Variants in OGA observed in about 807,000 individuals in gnomAD.
The protein encoded by OGA is O-GlcNAcase, also known as protein O-GlcNAcase.
A neutral mutation model predicts 102.0 loss-of-function variants in OGA; 21 were observed. The ratio of observed to expected loss-of-function variants is 0.21; its 90% CI spans 0.15 to 0.30. OGA has a LOEUF of 0.30. Ranked by LOEUF, OGA falls within the 10% of genes least tolerant of loss-of-function variation. The pLI is 1.00. For missense variants in OGA, 765 were observed against 1,107.8 expected (o/e 0.69, Z 4.39); for synonymous variants, 408 against 378.2 (o/e 1.08, Z -0.91).
intron 14 of OGA, chr10:101,787,845 G>A: frequency 9.2e-6 from 2 of 217,022 alleles, no homozygotes; most frequent in Non-Finnish European, 9.4e-6. Context: ...TTCTATCTCG[G>A]CCTCCTGAAG....
intron 1 of OGA, among the ~76,000 whole-genome samples, chr10:101,815,692 A>C (rs1001162679): frequency 1.4e-4 from 22 of 152,156 alleles, no homozygotes; most frequent in African/African-American, 4.6e-4. Context: ...ATCCTTTCAG[A>C]GTTGCTCCAA....
intron 14 of OGA, among the ~76,000 whole-genome samples, 170 bp downstream of exon 14, chr10:101,790,726 C>T (rs1431812530): frequency 6.6e-6 from 1 of 152,078 alleles, no homozygotes; most frequent in African/African-American, 2.4e-5. Flanking sequence ...AAATGTCATG[C>T]TAAGAATAAG....
At position 101,815,371 on chromosome 10, in the gene OGA, A is replaced by C. The variant is rs192123356; in HGVS notation, c.200-1765T>G. Among the ~76,000 whole-genome samples the C allele has an allele frequency of 1.7e-3, 258 of 151,922 alleles. 2 individuals carry two copies. Among genetic ancestry groups the C allele is most frequent in the African/African-American group, 5.8e-3 (241 of 41,388 alleles). ...TCGGCTCAATGCAATCTACGCCTCC[A>C]ACTCCCGGGTTCAAGCGATTCTCCT... On this transcript the variant is annotated intron_variant, in intron 1 of 15. Coordinates refer to ENST00000361464, the MANE Select transcript of OGA (RefSeq NM_012215.5).
In OGA at chr10:101,785,801, T is replaced by G. The variant is rs2065185575; in HGVS notation, c.*650A>C. 1 of 152,360 alleles carries G rather than the reference T, an allele frequency of 6.6e-6. No homozygotes were observed. The highest frequency in any genetic ancestry group is 1.5e-5 in the Non-Finnish European group (1 of 68,042). 9.4% of individuals were successfully genotyped at this position (152,360 alleles called of 1,614,324 possible). On this transcript the variant is annotated 3_prime_UTR_variant, in exon 16 of 16. Coordinates refer to ENST00000361464, the MANE Select transcript of OGA (RefSeq NM_012215.5). ...GTTTATATACAAAGAAATTTACAAG[T>G]TTGTCAATTGTAGGCTTTTGCCACA...
intron 7 of OGA, among the ~76,000 whole-genome samples, chr10:101,801,734 A>G (rs2065395025): frequency 6.6e-6 from 1 of 152,242 alleles, no homozygotes; most frequent in Non-Finnish European, 1.5e-5. Flanking sequence ...ACATTAATTC[A>G]ATAAACAATT....
chr10:101,807,816 C>A lies in OGA; in HGVS notation c.566G>T (p.Ser189Ile). 6.2e-7 allele frequency: 1 copy of A among 1,611,022 alleles called. No homozygotes were observed. The highest frequency in any genetic ancestry group is 8.5e-7 in the Non-Finnish European group (1 of 1,178,664). The change falls in exon 5 of 16, where the codon AGT (serine) becomes ATT (isoleucine). Residue 189 changes from serine to isoleucine, a missense_variant. This residue lies in a region of OGA where 165 missense variants were observed against 249.7 expected (regional missense o/e 0.66). Transcript: ENST00000361464. ...NMCAADKEVF[S>I]SFAHAQVSIT... ...GGAGACTTGGGCATGAGCAAAAGAACTGAATACCTCTTTGTCTGCTGCACA... is the reference window on the plus strand; with the variant it reads ...GGAGACTTGGGCATGAGCAAAAGAAATGAATACCTCTTTGTCTGCTGCACA...
rs746098438 is a variant in OGA, at chr10:101,799,321, A to G, written c.1330T>C (p.Leu444=). The change falls in exon 9 of 16, where the codon TTG becomes CTG. Residue 444 remains leucine (L), a synonymous_variant. Coordinates refer to ENST00000361464, the MANE Select transcript of OGA (RefSeq NM_012215.5). ...QEPIMSQGAA[L]SGEPTTLTKE... is the part of the protein sequence containing the mutation. ...GTCAGAGTAGTAGGCTCACCACTCA[A>G]GGCTGCTCCCTGGCTCATAATGGGC... 1 of 1,614,136 alleles carries G rather than the reference A, an allele frequency of 6.2e-7. No individual in the cohort carries two copies. Among genetic ancestry groups the G allele is most frequent in the Admixed American group, 1.7e-5 (1 of 60,014 alleles).
Position 101,793,019 on chromosome 10 carries a change from T to A in OGA, c.2071-76A>T, listed in dbSNP as rs561793514. The A allele has an allele frequency of 8.9e-5, 101 of 1,133,412 alleles. No homozygotes were observed. In the African/African-American group the frequency reaches 1.5e-3, roughly 16 times the overall value. 70.2% of individuals were successfully genotyped at this position (1,133,412 alleles called of 1,614,324 possible). A position where few individuals can be genotyped will look rare whatever the true frequency, so the allele number is the denominator to read the frequency against. On this transcript the variant is annotated intron_variant, in intron 11 of 15. Transcript: ENST00000361464. ...TTTTTAAATGGGTGTGCACTGCAGA[T>A]TACCAACTTATATTAACTGGCTACT... is the stretch of plus-strand genomic sequence containing the variant.
chr10:101,801,639 A>G (rs769621367), intron 7 of OGA, among the ~76,000 whole-genome samples: 5 of 152,224 alleles, frequency 3.3e-5, no homozygotes, highest in Non-Finnish European at 7.3e-5. Flanking sequence ...AGTGCCATGT[A>G]CGCTGACAGC....
chr10:101,787,338 C>A, intron 15 of OGA, 26 bp downstream of exon 15: 1 of 1,547,934 alleles, frequency 6.5e-7, no homozygotes, highest in Non-Finnish European at 8.8e-7. Context: ...GCCCAAATAC[C>A]ACCAACTCCA....
chr10:101,792,987 A>G lies in OGA; in HGVS notation c.2071-44T>C, dbSNP rs765040885. ...GGAGATGGATTAGTTTGGGGAAGGT[A>G]TCCATTTTTTTAAATGGGTGTGCAC... On this transcript the variant is annotated intron_variant, in intron 11 of 15. Coordinates refer to ENST00000361464, the MANE Select transcript of OGA (RefSeq NM_012215.5). 1.2e-5 allele frequency: 19 copies of G among 1,527,072 alleles called. No individual in the cohort carries two copies. The East Asian group carries it at 3.8e-4, about 31-fold the overall frequency. The allele number at this position is 1,527,072 out of a possible 1,614,324, so 94.6% of individuals were successfully genotyped here.
chr10:101,804,046 AAAG>A (rs1172708845), intron 6 of OGA, 27 bp from the exon 7 acceptor site: 1 of 1,589,632 alleles, frequency 6.3e-7, no homozygotes, highest in Admixed American at 1.7e-5. Context: ...CCGTTCGTTA[AAAG>A]AATCATGGTT....
intron 6 of OGA, among the ~76,000 whole-genome samples, chr10:101,805,738 G>A (rs929342341): frequency 1.9e-4 from 29 of 151,364 alleles, no homozygotes; most frequent in East Asian, 3.9e-4. Context: ...GGTGGATCAC[G>A]AGGTCAGGAG....
chr10:101,788,109 C>CGGGGA (rs2065213089), intron 14 of OGA: 3 of 144,686 alleles, frequency 2.1e-5, no homozygotes, highest in African/African-American at 2.6e-5. Context: ...CCAGCCTGGG[C>CGGGGA]AACAGAGCGA....
intron 6 of OGA, among the ~76,000 whole-genome samples, chr10:101,804,571 C>T (rs2065441817): frequency 6.6e-6 from 1 of 152,072 alleles, no homozygotes; most frequent in African/African-American, 2.4e-5. Flanking sequence ...CTGCGCCTGG[C>T]CCCTTACATG....
Position 101,784,917 on chromosome 10 carries a change from CCTT to C in OGA, c.*1531_*1533del, listed in dbSNP as rs2065177244. ...CGGTTAAAGGTTTCTAACCTAAAAA[CCTT>C]CTCTCCTTTCTTCTCACCTATTTAG... On this transcript the variant is annotated 3_prime_UTR_variant, in exon 16 of 16. Transcript: ENST00000361464. 1 of 152,172 alleles carries C rather than the reference CCTT, an allele frequency of 6.6e-6. No homozygotes were observed. Among genetic ancestry groups the C allele is most frequent in the Admixed American group, 6.5e-5 (1 of 15,280 alleles). The allele number at this position is 152,172 out of a possible 1,614,324, so 9.4% of individuals were successfully genotyped here.
rs1564643906 is a variant in OGA at position 101,799,163 on chromosome 10, C to A, written c.1488G>T (p.Leu496Phe). 1 of 1,614,228 alleles carries A rather than the reference C, an allele frequency of 6.2e-7. No individual in the cohort carries two copies. The stretch of plus-strand genomic sequence containing the variant: ...TCTCTTTATCAGTGTCCATTGGTTT[C>A]AATTCCTCTGCCATTTTCGCTTCAA... ...EIVEAKMAEE[L>F]KPMDTDKESI... Residue 496 changes from leucine (L) to phenylalanine (F), a missense_variant, in exon 9 of 16, where the codon TTG (leucine) becomes TTT (phenylalanine). Physicochemically the swap from Leu to Phe is conservative, Grantham distance 22. Around this residue, in one of 7 missense-constraint regions of OGA, gnomAD observed 281 missense variants for 345.8 expected, o/e 0.81. Coordinates refer to ENST00000361464, the MANE Select transcript of OGA (RefSeq NM_012215.5).
At position 101,812,683 on chromosome 10, in the gene OGA, C is replaced by T; in HGVS notation, c.349+347G>A. 2.2e-5 allele frequency: 6 copies of T among 267,874 alleles called. No individual in the cohort carries two copies. In the East Asian group the frequency reaches 3.4e-4, roughly 15 times the overall value. 16.6% of individuals were successfully genotyped at this position (267,874 alleles called of 1,614,324 possible). On this transcript the variant is annotated intron_variant, in intron 3 of 15. Transcript: ENST00000361464. ...TTTGGGGGTCCCTTAAAATTTGCACCCAAGGTACGTGCCTCACTTGCCTTG... is the reference window on the plus strand; with the variant it reads ...TTTGGGGGTCCCTTAAAATTTGCACTCAAGGTACGTGCCTCACTTGCCTTG...
chr10:101,805,702 T>C (rs1443146443), intron 6 of OGA, among the ~76,000 whole-genome samples: 1 of 145,380 alleles, frequency 6.9e-6, no homozygotes, highest in Non-Finnish European at 1.5e-5. Context: ...ACGCCTGTAA[T>C]CCCAGCACTT....
Sources: allele counts gnomAD v4.1 joint callset (sites outside exome capture counted in the v4.1 genomes callset), GRCh38; gene constraint gnomAD v4.1.1; regional missense constraint gnomAD v4.1.1; transcripts MANE v1.5; gene names NCBI Gene and HGNC (gene_info 2026-07-23, HGNC 2026-07-21).